ANO4: variants seen among roughly 807,000 people sequenced by gnomAD.
ANO4 encodes anoctamin-4.
In ANO4, 69 loss-of-function variants were observed where a neutral mutation model predicts 141.9. That is an observed-to-expected ratio of 0.49 (90% CI 0.40 to 0.59). The LOEUF (loss-of-function observed/expected upper bound fraction) is 0.59, where lower values mean the gene tolerates loss of function less well. Ranked by LOEUF, ANO4 falls within the 20% of genes least tolerant of loss-of-function variation. The probability of loss-of-function intolerance (pLI) is 0.00; values close to 1 mark genes in which losing one functional copy is unlikely to be tolerated. For synonymous variants in ANO4, 350 were observed against 394.3 expected (o/e 0.89, Z 1.33); for missense variants, 894 against 1,162.2 (o/e 0.77, Z 3.36).
chr12:100,777,560 G>C (rs1483973010), intron 3 of ANO4, among the ~76,000 whole-genome samples: 1 of 151,868 alleles, frequency 6.6e-6, no homozygotes, highest in African/African-American at 2.4e-5. Flanking sequence ...GCCTAAGCTT[G>C]GGTTCTTTTA....
chr12:100,943,590 A>T (rs73391773), intron 5 of ANO4, among the ~76,000 whole-genome samples: 2,893 of 152,320 alleles, frequency 0.019, 85 homozygotes, highest in African/African-American at 0.066. Context: ...GAATGTCTCC[A>T]AGAGAATTGG....
At chr12:101,021,479 G>T (rs541439387) in intron 9 of ANO4, among the ~76,000 whole-genome samples, 1 of 152,146 alleles carries the variant, frequency 6.6e-6, no homozygotes, top group Admixed American at 6.5e-5. Flanking sequence ...AGGAGAAATA[G>T]TTACAATAGT....
chr12:100,753,322 A>G (rs909121948), intron 3 of ANO4, among the ~76,000 whole-genome samples: 3 of 152,322 alleles, frequency 2.0e-5, no homozygotes, highest in South Asian at 2.1e-4. Flanking sequence ...GACACAATCT[A>G]TCACAGCCTC....
chr12:100,801,550 A>ACC (rs2034691320), intron 1 of ANO4, among the ~76,000 whole-genome samples: 1 of 151,936 alleles, frequency 6.6e-6, no homozygotes, highest in Non-Finnish European at 1.5e-5. Context: ...AAAGCCACAA[A>ACC]CTAGTGAGGG....
intron 3 of ANO4, among the ~76,000 whole-genome samples, chr12:100,786,778 C>G (rs2135595886): frequency 6.6e-6 from 1 of 152,282 alleles, no homozygotes; most frequent in African/African-American, 2.4e-5. Context: ...GTTTTATAAT[C>G]TCAAGGAGAA....
chr12:100,953,862 A>G (rs1446749107), intron 5 of ANO4, among the ~76,000 whole-genome samples: 1 of 150,560 alleles, frequency 6.6e-6, no homozygotes, highest in Non-Finnish European at 1.5e-5. Flanking sequence ...AGGAAGAGTA[A>G]GTGGAGTAAC....
At chr12:101,100,950 G>A (rs1227682803) in intron 22 of ANO4, among the ~76,000 whole-genome samples, 3 of 152,306 alleles carry the variant, frequency 2.0e-5, no homozygotes, top group African/African-American at 4.8e-5. Context: ...ATTGCCTGCA[G>A]GTCAGATTCA....
chr12:100,751,165 C>T (rs2032356819), intron 3 of ANO4, among the ~76,000 whole-genome samples: 1 of 152,096 alleles, frequency 6.6e-6, no homozygotes. Flanking sequence ...GGCAGTTTCC[C>T]AAGAAAGATT....
At chr12:101,009,454 C>A (rs959852066) in intron 8 of ANO4, among the ~76,000 whole-genome samples, 2 of 152,096 alleles carry the variant, frequency 1.3e-5, no homozygotes, top group African/African-American at 4.8e-5. Context: ...CATTATACTG[C>A]ACTCATTATG....
chr12:100,980,679 G>A (rs1409294371), intron 7 of ANO4, among the ~76,000 whole-genome samples: 1 of 152,122 alleles, frequency 6.6e-6, no homozygotes, highest in African/African-American at 2.4e-5. Flanking sequence ...GAGAAATAAA[G>A]CACTTCTTCA....
chr12:101,065,780 A>G (rs1566198134), intron 14 of ANO4, among the ~76,000 whole-genome samples: 1 of 152,216 alleles, frequency 6.6e-6, no homozygotes, highest in African/African-American at 2.4e-5. Context: ...TATTACCCTG[A>G]TACCAAAACC....
rs553216670 is a variant in ANO4 at position 101,092,901 on chromosome 12, ATCAG to A, written c.1702-1351_1702-1348del. On this transcript the variant is annotated intron_variant, in intron 17 of 27. Coordinates refer to ENST00000392977, the MANE Select transcript of ANO4 (RefSeq NM_001286615.2). The stretch of plus-strand genomic sequence containing the variant: ...TTGTATTTTTGAGAAAGGTTGTCTC[ATCAG>A]TCAAATTAATTTTCCCTGATAATTA... Among the ~76,000 whole-genome samples the A allele has an allele frequency of 5.3e-3, 801 of 152,328 alleles. 7 individuals are homozygous for A. Among genetic ancestry groups the A allele is most frequent in the African/African-American group, 0.018 (738 of 41,582 alleles).
chr12:100,779,817 C>T (rs1416044173), intron 3 of ANO4, among the ~76,000 whole-genome samples: 1 of 152,186 alleles, frequency 6.6e-6, no homozygotes, highest in Non-Finnish European at 1.5e-5. Context: ...ATAGTAGGTG[C>T]TTGCCATGTA....
intron 7 of ANO4, among the ~76,000 whole-genome samples, chr12:100,982,404 A>C (rs908374256): frequency 1.3e-5 from 2 of 152,190 alleles, no homozygotes; most frequent in Admixed American, 1.3e-4. Flanking sequence ...TGGTTTCCAG[A>C]CTTTAACATA....
chr12:101,077,313 A>G (rs1265535890), intron 14 of ANO4, among the ~76,000 whole-genome samples: 2 of 152,140 alleles, frequency 1.3e-5, no homozygotes, highest in Non-Finnish European at 2.9e-5. Flanking sequence ...ACTTTGCTCC[A>G]TGCACCTTTT....
At chr12:101,104,627 G>GTATATATA (rs1167784816) in intron 22 of ANO4, among the ~76,000 whole-genome samples, 155 of 61,964 alleles carry the variant, frequency 2.5e-3, no homozygotes, top group Non-Finnish European at 3.2e-3. Context: ...ATGTATGTGT[G>GTATATATA]TATATATATA....
chr12:101,088,563 T>C (rs754477982), intron 17 of ANO4, among the ~76,000 whole-genome samples: 45 of 152,134 alleles, frequency 3.0e-4, no homozygotes, highest in Non-Finnish European at 5.6e-4. Context: ...CCCTAGTGTC[T>C]GGAACAGGGC....
At chr12:100,800,727 T>C (rs1210671070) in intron 1 of ANO4, among the ~76,000 whole-genome samples, 1 of 152,222 alleles carries the variant, frequency 6.6e-6, no homozygotes, top group Non-Finnish European at 1.5e-5. Context: ...TAGCACAGTG[T>C]CCATGGAACA....
At chr12:100,896,482 C>T (rs1284545348) in intron 1 of ANO4, among the ~76,000 whole-genome samples, 3 of 152,176 alleles carry the variant, frequency 2.0e-5, no homozygotes, top group Non-Finnish European at 1.5e-5. Flanking sequence ...GATTGGCCTA[C>T]AGGTGTTCAG....
Sources: allele counts gnomAD v4.1 joint callset (sites outside exome capture counted in the v4.1 genomes callset), GRCh38; gene constraint gnomAD v4.1.1; transcripts MANE v1.5; gene names NCBI Gene and HGNC (gene_info 2026-07-23, HGNC 2026-07-21).